SPOCK3: variants seen among roughly 807,000 people sequenced by gnomAD.
SPOCK3 encodes testican-3.
Under a neutral mutation model 56.6 loss-of-function variants are expected in SPOCK3, and 30 were observed. The observed-to-expected ratio is 0.53, with a 90% CI of 0.40 to 0.72. The LOEUF is 0.72. Among genes scored for constraint, SPOCK3 ranks in the 30% least tolerant of loss-of-function variants. The pLI, the probability that SPOCK3 is intolerant of heterozygous loss-of-function variation, is 0.00. For missense variants in SPOCK3, 527 were observed against 530.0 expected (o/e 0.99, Z 0.06); for synonymous variants, 196 against 183.3 (o/e 1.07, Z -0.56).
At chr4:167,174,626 G>A (rs796944675) in intron 2 of SPOCK3, among the ~76,000 whole-genome samples, 8 of 152,066 alleles carry the variant, frequency 5.3e-5, no homozygotes, top group Admixed American at 2.6e-4. Context: ...AGAGCCTATC[G>A]GATGAGAATG....
intron 2 of SPOCK3, among the ~76,000 whole-genome samples, chr4:167,211,616 G>A (rs1231809492): frequency 1.3e-5 from 2 of 152,078 alleles, no homozygotes; most frequent in Admixed American, 6.6e-5. Flanking sequence ...AAAAAGGGAA[G>A]TTTCCATGCA....
At chr4:167,003,852 T>C (rs1381613481) in intron 3 of SPOCK3, among the ~76,000 whole-genome samples, 1 of 152,254 alleles carries the variant, frequency 6.6e-6, no homozygotes, top group East Asian at 1.9e-4. Context: ...CCATATAATG[T>C]ATCCTTTGAG....
At chr4:167,212,523 G>C (rs933599533) in intron 2 of SPOCK3, among the ~76,000 whole-genome samples, 1 of 152,138 alleles carries the variant, frequency 6.6e-6, no homozygotes, top group African/African-American at 2.4e-5. Flanking sequence ...TTACAGGCGG[G>C]AGCCACGGCG....
intron 6 of SPOCK3, among the ~76,000 whole-genome samples, chr4:166,841,080 CAGA>C (rs966637181): frequency 6.6e-6 from 1 of 150,894 alleles, no homozygotes; most frequent in Non-Finnish European, 1.5e-5. Context: ...GCCCGGCCCG[CAGA>C]AGTTTTTTTT....
At chr4:167,217,536 T>C (rs1030200057) in intron 2 of SPOCK3, among the ~76,000 whole-genome samples, 6 of 152,202 alleles carry the variant, frequency 3.9e-5, no homozygotes, top group Admixed American at 3.3e-4. Context: ...TGAGGATCCA[T>C]GGATTTTGGT....
At chr4:166,821,479 A>G (rs1313986966) in intron 6 of SPOCK3, among the ~76,000 whole-genome samples, 2 of 152,234 alleles carry the variant, frequency 1.3e-5, no homozygotes, top group East Asian at 1.9e-4. Context: ...AAGGACTTGC[A>G]TGGAAATGTT....
At chr4:167,175,073 G>A (rs942423853) in intron 2 of SPOCK3, among the ~76,000 whole-genome samples, 1 of 152,152 alleles carries the variant, frequency 6.6e-6, no homozygotes, top group Non-Finnish European at 1.5e-5. Context: ...TATCGGGGAT[G>A]CTCAAAATGA....
chr4:167,208,190 C>G (rs1258551052), intron 2 of SPOCK3, among the ~76,000 whole-genome samples: 3 of 151,986 alleles, frequency 2.0e-5, no homozygotes, highest in Non-Finnish European at 4.4e-5. Flanking sequence ...CTTTGAATCA[C>G]CATTGCCGAA....
At position 166,844,521 on chromosome 4, in the gene SPOCK3, C is replaced by T. The variant is rs76946984; in HGVS notation, c.589+44609G>A. ...TACCCTTCATAGTGGGGTTGAGCCT[C>T]GTCCAATCAGCTGAAGACCATACAA... On this transcript the variant is annotated intron_variant, in intron 6 of 10. Coordinates refer to ENST00000357545, the MANE Select transcript of SPOCK3 (RefSeq NM_001040159.2). Among the ~76,000 whole-genome samples the T allele has an allele frequency of 1.8e-3, 271 of 152,224 alleles. 3 individuals carry two copies. The East Asian group carries it at 0.046, about 26-fold the overall frequency.
At chr4:167,156,823 T>C (rs968767588) in intron 2 of SPOCK3, among the ~76,000 whole-genome samples, 70 of 152,058 alleles carry the variant, frequency 4.6e-4, no homozygotes, top group African/African-American at 1.7e-3. Context: ...ATTAAGACTC[T>C]TCCACAATTC....
intron 2 of SPOCK3, among the ~76,000 whole-genome samples, chr4:167,144,085 T>C (rs1763745561): frequency 6.6e-6 from 1 of 152,070 alleles, no homozygotes; most frequent in South Asian, 2.1e-4. Context: ...CATTATTTGC[T>C]ACTACTTGCT....
intron 3 of SPOCK3, among the ~76,000 whole-genome samples, chr4:167,016,849 A>G (rs1459551301): frequency 6.6e-6 from 1 of 152,082 alleles, no homozygotes; most frequent in Non-Finnish European, 1.5e-5. Context: ...CTTGCAAGTT[A>G]ATTACTTTGA....
chr4:166,796,518 C>T (rs912522469), intron 6 of SPOCK3, among the ~76,000 whole-genome samples: 1 of 152,132 alleles, frequency 6.6e-6, no homozygotes, highest in African/African-American at 2.4e-5. Flanking sequence ...TAAAGCACTT[C>T]TAAGGTCACC....
chr4:166,742,194 A>G (rs1184549209), intron 8 of SPOCK3, 135 bp from the exon 9 acceptor site: 23 of 618,696 alleles, frequency 3.7e-5, no homozygotes, highest in South Asian at 2.8e-4. Context: ...GTTTACTTAT[A>G]AAGATACATT....
intron 9 of SPOCK3, among the ~76,000 whole-genome samples, chr4:166,740,161 T>G (rs2126380959): frequency 6.6e-6 from 1 of 152,212 alleles, no homozygotes; most frequent in East Asian, 1.9e-4. Context: ...AGACTGAATC[T>G]CCAAATCAGG....
chr4:167,057,466 G>T (rs1048905601), intron 3 of SPOCK3, among the ~76,000 whole-genome samples: 3 of 151,638 alleles, frequency 2.0e-5, no homozygotes, highest in Admixed American at 1.3e-4. Context: ...TGGACTAAAT[G>T]CTCCAATTAA....
At chr4:166,840,850 G>A (rs1747200140) in intron 6 of SPOCK3, among the ~76,000 whole-genome samples, 2 of 137,806 alleles carry the variant, frequency 1.5e-5, no homozygotes, top group African/African-American at 5.6e-5. Flanking sequence ...GCAATCTCGG[G>A]TCACTGCAAG....
At chr4:167,230,445 C>T (rs1737040500) in intron 2 of SPOCK3, among the ~76,000 whole-genome samples, 1 of 150,432 alleles carries the variant, frequency 6.6e-6, no homozygotes, top group Admixed American at 6.6e-5. Context: ...CCACAATTTT[C>T]CCACTGAGGA....
chr4:166,739,273 C>T (rs1734575313), intron 9 of SPOCK3, among the ~76,000 whole-genome samples: 1 of 152,102 alleles, frequency 6.6e-6, no homozygotes, highest in Admixed American at 6.6e-5. Flanking sequence ...CAGAGTCTCA[C>T]TCCATCACTC....
Sources: allele counts gnomAD v4.1 joint callset (sites outside exome capture counted in the v4.1 genomes callset), GRCh38; gene constraint gnomAD v4.1.1; transcripts MANE v1.5; gene names NCBI Gene and HGNC (gene_info 2026-07-23, HGNC 2026-07-21).